The following ADCY2 variants were observed in gnomAD, a reference collection of about 807,000 sequenced individuals.
The protein encoded by ADCY2 is adenylate cyclase 2, also known as adenylate cyclase type 2.
ADCY2 carries 31 observed loss-of-function variants against 125.2 expected under a neutral mutation model. That is an observed-to-expected ratio of 0.25 (90% CI 0.19 to 0.33). The LOEUF (loss-of-function observed/expected upper bound fraction) is 0.33. ADCY2 is among the 10% of genes least tolerant of loss of function. The pLI is 1.00. For missense variants in ADCY2, 904 were observed against 1,418.2 expected (o/e 0.64, Z 5.82); for synonymous variants, 512 against 548.4 (o/e 0.93, Z 0.93).
intron 13 of ADCY2, among the ~76,000 whole-genome samples, chr5:7,726,448 A>G (rs924810986): frequency 1.3e-5 from 2 of 152,216 alleles, no homozygotes; most frequent in Admixed American, 1.3e-4. Context: ...AGGGGTCATC[A>G]TCAGCATCAT....
At chr5:7,808,927 G>A (rs1744846140) in intron 22 of ADCY2, among the ~76,000 whole-genome samples, 1 of 152,188 alleles carries the variant, frequency 6.6e-6, no homozygotes, top group African/African-American at 2.4e-5. Context: ...TGTTTTCAGG[G>A]TAGAGTTGAA....
At chr5:7,811,810 T>A (rs1020373587) in intron 22 of ADCY2, among the ~76,000 whole-genome samples, 1 of 152,180 alleles carries the variant, frequency 6.6e-6, no homozygotes, top group Admixed American at 6.5e-5. Flanking sequence ...CCTAGTCTAT[T>A]GGCAAAACTG....
At chr5:7,495,888 C>T (rs947270365) in intron 2 of ADCY2, among the ~76,000 whole-genome samples, 7 of 152,290 alleles carry the variant, frequency 4.6e-5, no homozygotes, top group Admixed American at 1.3e-4. Context: ...GGAGTAATCA[C>T]GTAGAAGATG....
chr5:7,553,328 C>T (rs1413912159), intron 3 of ADCY2, among the ~76,000 whole-genome samples: 3 of 152,170 alleles, frequency 2.0e-5, no homozygotes, highest in Non-Finnish European at 2.9e-5. Context: ...CTGCAGTCTT[C>T]GGAGGAGCGC....
chr5:7,695,771 G>A lies in ADCY2; in HGVS notation c.889G>A (p.Val297Ile). 1.9e-6 allele frequency: 3 copies of A among 1,611,592 alleles called. No homozygotes were observed. Among genetic ancestry groups the A allele is most frequent in the Non-Finnish European group, 2.5e-6 (3 of 1,178,666 alleles). ...TNVSILYADI[V>I]GFTRLASDCS... is the part of the protein sequence containing the mutation. Reference sequence around the variant, plus strand: ...CCACAGCATCTTATACGCTGACATCGTTGGCTTTACCCGGCTGGCAAGTGA... The same window carrying A: ...CCACAGCATCTTATACGCTGACATCATTGGCTTTACCCGGCTGGCAAGTGA... Residue 297 changes from valine (V) to isoleucine (I), a missense_variant, in exon 6 of 25, where the codon GTT becomes ATT. Physicochemically the swap from Val to Ile is conservative, Grantham distance 29 (BLOSUM62 3). This residue lies in a region of ADCY2 where 117 missense variants were observed against 248.0 expected (regional missense o/e 0.47). Transcript: ENST00000338316.
intron 22 of ADCY2, among the ~76,000 whole-genome samples, chr5:7,809,751 G>A (rs987892600): frequency 6.6e-6 from 1 of 152,192 alleles, no homozygotes; most frequent in Non-Finnish European, 1.5e-5. Context: ...ACCTAGTGAG[G>A]CAGGGCTTTT....
intron 7 of ADCY2, among the ~76,000 whole-genome samples, chr5:7,705,762 A>G (rs975247354): frequency 6.6e-6 from 1 of 152,236 alleles, no homozygotes; most frequent in African/African-American, 2.4e-5. Flanking sequence ...CAAAAGAGGA[A>G]AGGAAATGGG....
chr5:7,469,496 GGA>G (rs987889770), intron 2 of ADCY2, among the ~76,000 whole-genome samples: 2 of 151,662 alleles, frequency 1.3e-5, no homozygotes, highest in African/African-American at 4.8e-5. Flanking sequence ...ATATATAGAG[GGA>G]GAGAGAGTAT....
At chr5:7,460,766 A>G (rs1741888577) in intron 2 of ADCY2, among the ~76,000 whole-genome samples, 1 of 152,152 alleles carries the variant, frequency 6.6e-6, no homozygotes, top group Admixed American at 6.5e-5. Context: ...AACTATTGTA[A>G]CATTCTGAGC....
At chr5:7,823,778 A>G (rs1441454463) in intron 24 of ADCY2, among the ~76,000 whole-genome samples, 1 of 152,226 alleles carries the variant, frequency 6.6e-6, no homozygotes, top group Admixed American at 6.5e-5. Context: ...GAGGCAGGTC[A>G]TGGAGAGTGC....
intron 2 of ADCY2, among the ~76,000 whole-genome samples, chr5:7,430,546 T>C (rs890069302): frequency 1.6e-4 from 24 of 148,296 alleles, no homozygotes; most frequent in African/African-American, 5.4e-4. Context: ...TATATATATA[T>C]AGTATATTGA....
chr5:7,512,218 CAAAAAAAAAAAAA>C (rs57381383), intron 2 of ADCY2, among the ~76,000 whole-genome samples: 2 of 57,914 alleles, frequency 3.5e-5, no homozygotes, highest in African/African-American at 1.6e-4. Context: ...ATGACTCCAT[CAAAAAAAAAAAAA>C]AAAAAAAAAG....
In ADCY2 at chr5:7,827,224, T is replaced by A; in HGVS notation, c.*353T>A. On this transcript the variant is annotated 3_prime_UTR_variant, in exon 25 of 25. Coordinates refer to ENST00000338316, the MANE Select transcript of ADCY2 (RefSeq NM_020546.3). ...GGTGCATGTTCTTTTCTGGAAAATA[T>A]GGTAGCTCGCCAACCGCATCTGCTC... 2 of 199,572 alleles carry A rather than the reference T, an allele frequency of 1.0e-5. No individual in the cohort carries two copies. The highest frequency in any genetic ancestry group is 2.0e-5 in the Non-Finnish European group (2 of 97,750). 12.4% of individuals were successfully genotyped at this position (199,572 alleles called of 1,614,324 possible).
chr5:7,396,741 G>A lies in ADCY2; in HGVS notation c.210+235G>A, dbSNP rs1348960937. On this transcript the variant is annotated intron_variant, in intron 1 of 24. Transcript: ENST00000338316. This position sits in a 1 kb window ranked among gnomAD's most constrained non-coding sequence, Gnocchi z 5.7. Reference sequence around the variant, plus strand: ...CTGGGAAGGCTCTTCCCAAAATAAAGTTCCCGAGGTGTTCACCAGGTGGAC... The same window carrying A: ...CTGGGAAGGCTCTTCCCAAAATAAAATTCCCGAGGTGTTCACCAGGTGGAC... 6.6e-6 allele frequency among the ~76,000 whole-genome samples: 1 copy of A among 152,036 alleles called. No homozygotes were observed. The highest frequency in any genetic ancestry group is 2.0e-4 in the East Asian group (1 of 5,110).
chr5:7,721,590 G>T (rs1384516674), intron 12 of ADCY2, among the ~76,000 whole-genome samples: 1 of 152,200 alleles, frequency 6.6e-6, no homozygotes, highest in African/African-American at 2.4e-5. Flanking sequence ...GTAAGGAAGG[G>T]ATCCTGTTTC....
intron 3 of ADCY2, among the ~76,000 whole-genome samples, chr5:7,624,578 T>C (rs1738062344): frequency 6.6e-6 from 1 of 152,126 alleles, no homozygotes; most frequent in South Asian, 2.1e-4. Flanking sequence ...AACCCTCAAG[T>C]TAGACCAATT....
Position 7,816,529 on chromosome 5 carries a change from A to T in ADCY2, c.2884-337A>T, listed in dbSNP as rs1579472020. On this transcript the variant is annotated intron_variant, in intron 22 of 24. Coordinates refer to ENST00000338316, the MANE Select transcript of ADCY2 (RefSeq NM_020546.3). ...GCCGGCTGTGGAGGGGAAAGGAGGGAAGAAGGCGCCAGCCCCTCCTCAAAG... is the reference window on the plus strand; with the variant it reads ...GCCGGCTGTGGAGGGGAAAGGAGGGTAGAAGGCGCCAGCCCCTCCTCAAAG... Among the ~76,000 whole-genome samples, 3 of 152,336 alleles carry T rather than the reference A, an allele frequency of 2.0e-5. No individual in the cohort carries two copies. The South Asian group carries it at 6.2e-4, about 32-fold the overall frequency.
intron 20 of ADCY2, chr5:7,794,873 T>C (rs1561005224): frequency 6.6e-6 from 1 of 152,080 alleles, no homozygotes; most frequent in Non-Finnish European, 1.5e-5. Context: ...AGTGTAGCTA[T>C]CATCAAGGTT....
At chr5:7,722,982 A>AAAAAAAAAAAAAAAG (rs1278747504) in intron 12 of ADCY2, among the ~76,000 whole-genome samples, 4 of 148,776 alleles carry the variant, frequency 2.7e-5, no homozygotes, top group Non-Finnish European at 4.5e-5. Flanking sequence ...AAAAAAAAAA[A>AAAAAAAAAAAAAAAG]AAAAGCATGT....
Sources: gnomAD v4.1 joint callset for allele counts (sites outside exome capture counted in the v4.1 genomes callset) on GRCh38, gnomAD v4.1.1 for gene constraint, gnomAD v4.1.1 regional missense constraint, Gnocchi (gnomAD v3.1) non-coding constraint, MANE v1.5 for transcripts, NCBI Gene and HGNC (gene_info 2026-07-23, HGNC 2026-07-21) for gene names.